CDH8: variants seen among roughly 807,000 people sequenced by gnomAD.
CDH8 encodes the protein cadherin-8.
A neutral mutation model predicts 68.1 loss-of-function variants in CDH8; 17 were observed. The observed-to-expected ratio is 0.25, with a 90% CI of 0.17 to 0.37. The LOEUF is 0.37. Among genes scored for constraint, CDH8 ranks in the 10% least tolerant of loss-of-function variants. CDH8 has a pLI of 1.00. For synonymous variants in CDH8, 372 were observed against 365.1 expected (o/e 1.02, Z -0.21); for missense variants, 763 against 999.3 (o/e 0.76, Z 3.19).
chr16:61,897,585 C>T (rs1963891090), intron 3 of CDH8, among the ~76,000 whole-genome samples: 1 of 152,076 alleles, frequency 6.6e-6, no homozygotes, highest in Non-Finnish European at 1.5e-5. Context: ...GAAATGAGAG[C>T]CTCTGACACA....
intron 8 of CDH8, among the ~76,000 whole-genome samples, chr16:61,769,821 T>C (rs1239833802): frequency 6.6e-6 from 1 of 151,928 alleles, no homozygotes; most frequent in African/African-American, 2.4e-5. Flanking sequence ...GAACATGCCA[T>C]ATTCTATGAT....
At chr16:61,942,963 G>A (rs1567538096) in intron 2 of CDH8, among the ~76,000 whole-genome samples, 1 of 152,174 alleles carries the variant, frequency 6.6e-6, no homozygotes, top group East Asian at 1.9e-4. Flanking sequence ...GAGAAGCTTA[G>A]GTGGGAAGAT....
chr16:61,795,731 A>G (rs1296077370), intron 7 of CDH8, among the ~76,000 whole-genome samples: 1 of 152,112 alleles, frequency 6.6e-6, no homozygotes, highest in Non-Finnish European at 1.5e-5. Context: ...TCTTTATGTG[A>G]CACTCAAAAA....
At chr16:61,672,410 G>C (rs1428763381) in intron 10 of CDH8, among the ~76,000 whole-genome samples, 1 of 151,862 alleles carries the variant, frequency 6.6e-6, no homozygotes, top group Non-Finnish European at 1.5e-5. Context: ...TTACCTATTT[G>C]GTTGCATTTT....
At chr16:61,753,011 G>A (rs1274581626) in intron 8 of CDH8, among the ~76,000 whole-genome samples, 1 of 152,088 alleles carries the variant, frequency 6.6e-6, no homozygotes, top group Non-Finnish European at 1.5e-5. Flanking sequence ...AGATATTTAA[G>A]GCAACAACCA....
At chr16:61,932,509 G>C (rs1014630359) in intron 2 of CDH8, among the ~76,000 whole-genome samples, 1 of 152,060 alleles carries the variant, frequency 6.6e-6, no homozygotes, top group Non-Finnish European at 1.5e-5. Flanking sequence ...CTTAAATATT[G>C]TACCACTCCC....
At chr16:61,992,832 G>A (rs1314364671) in intron 2 of CDH8, among the ~76,000 whole-genome samples, 3 of 151,912 alleles carry the variant, frequency 2.0e-5, no homozygotes, top group South Asian at 2.1e-4. Context: ...TCAGTTGTCC[G>A]GGCTGGAGTG....
intron 2 of CDH8, among the ~76,000 whole-genome samples, chr16:61,956,455 A>G (rs12051177): frequency 0.13 from 19,858 of 152,192 alleles, 1,740 homozygotes; most frequent in East Asian, 0.26. Context: ...AAAGGGAGTA[A>G]ATTTACATTG....
intron 10 of CDH8, among the ~76,000 whole-genome samples, chr16:61,695,201 A>G (rs1282407830): frequency 6.6e-6 from 1 of 152,098 alleles, no homozygotes; most frequent in Non-Finnish European, 1.5e-5. Context: ...TGACTGAGAT[A>G]GAATTAGACC....
intron 8 of CDH8, among the ~76,000 whole-genome samples, chr16:61,737,799 C>G (rs1389333600): frequency 6.6e-6 from 1 of 152,006 alleles, no homozygotes; most frequent in East Asian, 1.9e-4. Flanking sequence ...TGCTGTGGTT[C>G]AAATGCAGAC....
chr16:61,980,009 C>A (rs1965504271), intron 2 of CDH8, among the ~76,000 whole-genome samples: 1 of 151,996 alleles, frequency 6.6e-6, no homozygotes. Flanking sequence ...CAGTCAGAGA[C>A]AATCAGAAAG....
At position 61,779,425 on chromosome 16, in the gene CDH8, ATGTGTGTGTG is replaced by A. The variant is rs10539934; in HGVS notation, c.1414+9911_1414+9920del. Among the ~76,000 whole-genome samples, 34 of 139,110 alleles carry A rather than the reference ATGTGTGTGTG, an allele frequency of 2.4e-4. No homozygotes were observed. The East Asian group carries it at 3.8e-3, about 16-fold the overall frequency. 91.3% of individuals were successfully genotyped at this position (139,110 alleles called of 152,430 possible). On this transcript the variant is annotated intron_variant, in intron 8 of 11. Coordinates refer to ENST00000577390, the MANE Select transcript of CDH8 (RefSeq NM_001796.5). ...TATTGTCAAATTTTAATGTTCGTTT[ATGTGTGTGTG>A]TGTGTGTGTGTGTGTGTGTGTGTGT...
intron 8 of CDH8, among the ~76,000 whole-genome samples, chr16:61,779,928 A>G (rs113241122): frequency 9.8e-5 from 15 of 152,306 alleles, no homozygotes; most frequent in African/African-American, 3.6e-4. Flanking sequence ...AGAAGATTGA[A>G]GTGAGGTTTC....
chr16:62,007,579 G>A (rs1684393769), intron 2 of CDH8, among the ~76,000 whole-genome samples: 2 of 142,868 alleles, frequency 1.4e-5, no homozygotes, highest in African/African-American at 5.0e-5. Flanking sequence ...GAATCAAAAT[G>A]CACAACTTTC....
chr16:61,959,139 C>T (rs1965034697), intron 2 of CDH8, among the ~76,000 whole-genome samples: 1 of 152,034 alleles, frequency 6.6e-6, no homozygotes, highest in South Asian at 2.1e-4. Flanking sequence ...CATCTCTCAC[C>T]TTCATCTAAC....
chr16:61,837,605 T>C (rs972157258), intron 4 of CDH8, among the ~76,000 whole-genome samples: 1 of 152,036 alleles, frequency 6.6e-6, no homozygotes. Flanking sequence ...ATATTGCAAG[T>C]TGCACAGGTG....
intron 8 of CDH8, among the ~76,000 whole-genome samples, chr16:61,763,570 C>G (rs908874128): frequency 6.6e-6 from 1 of 152,122 alleles, no homozygotes; most frequent in Admixed American, 6.6e-5. Context: ...ATAGGATTTT[C>G]TTCATATTTA....
chr16:62,003,826 TTTC>T (rs1965932006), intron 2 of CDH8, among the ~76,000 whole-genome samples: 1 of 152,236 alleles, frequency 6.6e-6, no homozygotes, highest in Non-Finnish European at 1.5e-5. Context: ...TATTCTACTT[TTTC>T]TTCTTCTCCT....
At chr16:61,871,266 G>A (rs532911495) in intron 3 of CDH8, among the ~76,000 whole-genome samples, 11 of 151,240 alleles carry the variant, frequency 7.3e-5, no homozygotes, top group South Asian at 2.1e-4. Flanking sequence ...CTGCAGCCTC[G>A]ACCTCCCAGG....
Sources: gnomAD v4.1 joint callset for allele counts (sites outside exome capture counted in the v4.1 genomes callset) on GRCh38, gnomAD v4.1.1 for gene constraint, MANE v1.5 for transcripts, NCBI Gene and HGNC (gene_info 2026-07-23, HGNC 2026-07-21) for gene names.